Variants in EGFLAM observed in about 807,000 individuals in gnomAD.
EGFLAM encodes the protein EGF like, fibronectin type III and laminin G domains.
A neutral mutation model predicts 113.1 loss-of-function variants in EGFLAM; 79 were observed. That is an observed-to-expected ratio of 0.70 (90% confidence interval 0.58 to 0.84). EGFLAM has a LOEUF of 0.84. Among genes scored for constraint, EGFLAM ranks in the 40% least tolerant of loss-of-function variants. The pLI is 0.00. For missense variants in EGFLAM, 1,265 were observed against 1,291.6 expected (o/e 0.98, Z 0.32); for synonymous variants, 504 against 487.6 (o/e 1.03, Z -0.44).
Position 38,424,974 on chromosome 5 carries a change from C to A in EGFLAM, c.1692C>A (p.Cys564Ter), listed in dbSNP as rs1741949557. The change falls in exon 13 of 22, where the codon TGC becomes TGA. Residue 564 changes from cysteine to a stop codon, truncating the protein, a stop_gained. Transcript: ENST00000322350. LOFTEE classifies it high-confidence loss of function. ...TTCCCATTCTGTATTTAGGGGAATGCAGCAGTGGAATCTGTGATGAGGCCT... is the reference window on the plus strand; with the variant it reads ...TTCCCATTCTGTATTTAGGGGAATGAAGCAGTGGAATCTGTGATGAGGCCT... ...KALSGADVGE[C>*]SSGICDEASC... 1 of 1,613,696 alleles carries A rather than the reference C, an allele frequency of 6.2e-7. No homozygotes were observed. The highest frequency in any genetic ancestry group is 1.7e-4 in the Middle Eastern group (1 of 6,056).
rs75602515 is a variant in EGFLAM, at chr5:38,264,439, G to T, written c.97+5588G>T. Among the ~76,000 whole-genome samples the T allele has an allele frequency of 3.6e-3, 543 of 152,310 alleles. 10 individuals carry two copies. In the South Asian group the frequency reaches 0.039, roughly 11 times the overall value. ...GAAGCAAAAACAAAAGGCTGGAAGAGAAGGGTTAGCTTGTGGGCAATACAT... is the reference window on the plus strand; with the variant it reads ...GAAGCAAAAACAAAAGGCTGGAAGATAAGGGTTAGCTTGTGGGCAATACAT... On this transcript the variant is annotated intron_variant, in intron 1 of 21. Transcript: ENST00000322350.
intron 17 of EGFLAM, chr5:38,445,686 G>C: frequency 4.4e-6 from 7 of 1,598,476 alleles, no homozygotes; most frequent in Non-Finnish European, 4.2e-6. Flanking sequence ...CAGAGTGTGG[G>C]AACTACTGCC....
chr5:38,310,604 T>C (rs548566891), intron 1 of EGFLAM, among the ~76,000 whole-genome samples: 27 of 152,292 alleles, frequency 1.8e-4, no homozygotes, highest in African/African-American at 6.5e-4. Context: ...TTGAGTGTTA[T>C]GATTTAACTC....
At chr5:38,447,034 T>A (rs1453767524) in intron 17 of EGFLAM, among the ~76,000 whole-genome samples, 1 of 152,220 alleles carries the variant, frequency 6.6e-6, no homozygotes, top group East Asian at 1.9e-4. Context: ...TCTTTGAATT[T>A]GAGATTTATT....
chr5:38,357,258 A>G (rs553985155), intron 5 of EGFLAM, among the ~76,000 whole-genome samples: 1 of 152,248 alleles, frequency 6.6e-6, no homozygotes, highest in East Asian at 1.9e-4. Flanking sequence ...CCTGTCTCAT[A>G]AAGAAAAGAA....
chr5:38,348,822 G>A (rs533796028), intron 3 of EGFLAM, among the ~76,000 whole-genome samples: 1 of 151,484 alleles, frequency 6.6e-6, no homozygotes, highest in Non-Finnish European at 1.5e-5. Flanking sequence ...AGAGGAGGGG[G>A]AACAGATGGG....
At chr5:38,393,678 T>C (rs1165789615) in intron 6 of EGFLAM, among the ~76,000 whole-genome samples, 1 of 151,938 alleles carries the variant, frequency 6.6e-6, no homozygotes. Context: ...GGAGGAAGAG[T>C]TGGGGAACCA....
At chr5:38,381,295 G>T (rs1468849461) in intron 6 of EGFLAM, among the ~76,000 whole-genome samples, 1 of 152,060 alleles carries the variant, frequency 6.6e-6, no homozygotes, top group Non-Finnish European at 1.5e-5. Flanking sequence ...TCAGTTCTTT[G>T]ATGGGAGTAG....
intron 17 of EGFLAM, among the ~76,000 whole-genome samples, chr5:38,444,312 G>C (rs1769329491): frequency 6.6e-6 from 1 of 152,206 alleles, no homozygotes; most frequent in South Asian, 2.1e-4. Flanking sequence ...ACTGGAAATG[G>C]TAGAGAGAAG....
intron 1 of EGFLAM, among the ~76,000 whole-genome samples, chr5:38,272,715 T>C (rs937182264): frequency 2.6e-5 from 4 of 152,074 alleles, no homozygotes; most frequent in African/African-American, 9.7e-5. Context: ...AAGCAACCAG[T>C]TGACTGAAAC....
At chr5:38,274,301 GA>G (rs1334781822) in intron 1 of EGFLAM, among the ~76,000 whole-genome samples, 1 of 152,262 alleles carries the variant, frequency 6.6e-6, no homozygotes, top group East Asian at 1.9e-4. Flanking sequence ...AATCATAGCA[GA>G]AAACTTTTCA....
At chr5:38,321,162 G>T (rs2111893111) in intron 1 of EGFLAM, among the ~76,000 whole-genome samples, 1 of 152,282 alleles carries the variant, frequency 6.6e-6, no homozygotes, top group South Asian at 2.1e-4. Context: ...CAACTAGACA[G>T]TCCCATCTGG....
chr5:38,305,875 G>T (rs1395316353), intron 1 of EGFLAM, among the ~76,000 whole-genome samples: 2 of 152,190 alleles, frequency 1.3e-5, no homozygotes, highest in South Asian at 4.1e-4. Context: ...CATTCATTAG[G>T]TGTGTCCTGG....
intron 6 of EGFLAM, among the ~76,000 whole-genome samples, chr5:38,382,689 T>G (rs1740542314): frequency 6.6e-6 from 1 of 152,174 alleles, no homozygotes; most frequent in African/African-American, 2.4e-5. Flanking sequence ...CCTTTTGAGA[T>G]AAAAATGTTT....
intron 6 of EGFLAM, among the ~76,000 whole-genome samples, chr5:38,381,998 A>G (rs1740522441): frequency 6.6e-6 from 1 of 152,244 alleles, no homozygotes; most frequent in African/African-American, 2.4e-5. Context: ...TGGGGCAGAA[A>G]AGTCGAAGGA....
At chr5:38,312,205 T>C (rs990326365) in intron 1 of EGFLAM, among the ~76,000 whole-genome samples, 1 of 152,008 alleles carries the variant, frequency 6.6e-6, no homozygotes, top group African/African-American at 2.4e-5. Context: ...ACCAGCTGTG[T>C]GGTTTTGCAA....
At chr5:38,352,130 C>A in intron 4 of EGFLAM, 66 bp from the exon 5 acceptor site, 1 of 1,604,642 alleles carries the variant, frequency 6.2e-7, no homozygotes, top group Non-Finnish European at 8.5e-7. Flanking sequence ...ACCAGCCTAG[C>A]CCATTAAACC....
chr5:38,327,056 C>G (rs1263013726), intron 1 of EGFLAM, among the ~76,000 whole-genome samples: 3 of 152,098 alleles, frequency 2.0e-5, no homozygotes, highest in Non-Finnish European at 4.4e-5. Context: ...CCTCAGCCTC[C>G]CAAACTGTTG....
At chr5:38,404,376 A>T (rs1561071317) in intron 6 of EGFLAM, among the ~76,000 whole-genome samples, 1 of 152,162 alleles carries the variant, frequency 6.6e-6, no homozygotes, top group Non-Finnish European at 1.5e-5. Flanking sequence ...CCTTTCCACC[A>T]TGTGAAGATG....
Sources: allele counts gnomAD v4.1 joint callset (sites outside exome capture counted in the v4.1 genomes callset), GRCh38; gene constraint gnomAD v4.1.1; transcripts MANE v1.5; gene names NCBI Gene and HGNC (gene_info 2026-07-23, HGNC 2026-07-21).